The following TRMT1 variants were observed in gnomAD, a reference collection of about 807,000 sequenced individuals.
The protein encoded by TRMT1 is tRNA (guanine(26)-N(2))-dimethyltransferase.
TRMT1 carries 63 observed loss-of-function variants against 75.4 expected under a neutral mutation model. The observed-to-expected ratio is 0.84, with a 90% CI of 0.68 to 1.03. The LOEUF (loss-of-function observed/expected upper bound fraction) is 1.03, where lower values mean the gene tolerates loss of function less well. TRMT1 is among the 50% of genes least tolerant of loss of function. TRMT1 has a pLI of 0.00. For missense variants in TRMT1, 870 were observed against 905.3 expected, an observed-to-expected ratio of 0.96 and a Z score of 0.50; for synonymous variants, 382 against 358.1, an observed-to-expected ratio of 1.07 and a Z score of -0.75.
At chr19:13,107,909 A>G (rs552053779) in intron 12 of TRMT1, 50 bp from the exon 13 acceptor site, 1 of 1,495,500 alleles carries the variant, frequency 6.7e-7, no homozygotes, top group South Asian at 1.2e-5. Flanking sequence ...CTTGACCCCA[A>G]AGCCCAAGCT....
chr19:13,109,289 C>A, intron 12 of TRMT1, 92 bp downstream of exon 12: 3 of 1,443,362 alleles, frequency 2.1e-6, no homozygotes, highest in African/African-American at 2.8e-5. Context: ...TCTCCCCACC[C>A]CCTCGCAAGT....
Position 13,107,554 on chromosome 19 carries a change from C to T in TRMT1, c.1583+20G>A, listed in dbSNP as rs948393228. 6.3e-7 allele frequency: 1 copy of T among 1,589,896 alleles called. No homozygotes were observed. The highest frequency in any genetic ancestry group is 8.6e-7 in the Non-Finnish European group (1 of 1,166,178). On this transcript the variant is annotated intron_variant, in intron 14 of 16. Coordinates refer to ENST00000357720, the MANE Select transcript of TRMT1 (RefSeq NM_001136035.4). Reference sequence around the variant, plus strand: ...TGTCTGTGGGCAGCCCTGGCCGCTCCTGCATGTGCTTGCCCCTACCTGGGC... The same window carrying T: ...TGTCTGTGGGCAGCCCTGGCCGCTCTTGCATGTGCTTGCCCCTACCTGGGC...
In TRMT1 at chr19:13,116,277, G is replaced by C. The variant is rs776058940; in HGVS notation, c.123C>G (p.Thr41=). 1.9e-6 allele frequency: 3 copies of C among 1,614,140 alleles called. No homozygotes were observed. The highest frequency in any genetic ancestry group is 2.5e-6 in the Non-Finnish European group (3 of 1,180,034). ...GTGGACGTTCTTCTCCGTAGGGCCC[G>C]GTGCCGTTCTCCATCGCTGCTGTAT... The part of the protein sequence containing the change: ...LPNTAAMENG[T]GPYGEERPRE... The change falls in exon 2 of 17, where the codon ACC becomes ACG. Residue 41 remains threonine (T), a synonymous_variant. Transcript: ENST00000357720.
chr19:13,108,256 T>A (rs1241306144), intron 12 of TRMT1, among the ~76,000 whole-genome samples: 1 of 151,268 alleles, frequency 6.6e-6, no homozygotes, highest in African/African-American at 2.4e-5. Context: ...CCCAAAGTGC[T>A]GGGATTACAG....
In TRMT1 at chr19:13,116,364, G is replaced by A. The variant is rs770250912; in HGVS notation, c.36C>T (p.Phe12=). The A allele has an allele frequency of 5.6e-6, 9 of 1,611,572 alleles. No individual in the cohort carries two copies. Among genetic ancestry groups the A allele is most frequent in the Non-Finnish European group, 7.6e-6 (9 of 1,179,422 alleles). ...CTCTAGAGAGCACCCGGGCGGAGCG[G>A]AAAGTGAGGCTTAGCCACAGAGACG... ...QGSSLWLSLT[F]RSARVLSRAR... Residue 12 remains phenylalanine, a synonymous_variant, in exon 2 of 17, where the codon TTC becomes TTT. Transcript: ENST00000357720.
rs147243880 is a variant in TRMT1 at position 13,109,633 on chromosome 19, G to A, written c.1228C>T (p.Arg410Cys). 37 of 1,613,900 alleles carry A rather than the reference G, an allele frequency of 2.3e-5. No individual in the cohort carries two copies. The African/African-American group carries it at 3.5e-4, about 15-fold the overall frequency. Residue 410 changes from arginine (R) to cysteine (C), a missense_variant, in exon 11 of 17, where the codon CGT (arginine) becomes TGT (cysteine). Physicochemically the swap from Arg to Cys is radical, Grantham distance 180 (BLOSUM62 -3). Transcript: ENST00000357720. The stretch of plus-strand genomic sequence containing the variant: ...TTAGCGCTCACAGCCTCCAGGACAC[G>A]GCCCACAAAATCCAGGTCATGGATG... Reference protein sequence around the residue: ...EPIHDLDFVGRVLEAVSANPG... With the variant: ...EPIHDLDFVGCVLEAVSANPG...
chr19:13,113,678 C>T (rs61625344), intron 5 of TRMT1, among the ~76,000 whole-genome samples: 8 of 151,906 alleles, frequency 5.3e-5, no homozygotes, highest in East Asian at 3.8e-4. Context: ...GGTGGGTTCT[C>T]GGCGCACTGC....
intron 5 of TRMT1, among the ~76,000 whole-genome samples, chr19:13,114,279 T>C (rs1027400030): frequency 5.9e-5 from 9 of 152,090 alleles, no homozygotes; most frequent in Admixed American, 4.6e-4. Context: ...CCCAGCACTT[T>C]GGAAGGCCGA....
At chr19:13,106,531 G>A (rs1428239952) in intron 14 of TRMT1, among the ~76,000 whole-genome samples, 1 of 152,144 alleles carries the variant, frequency 6.6e-6, no homozygotes, top group South Asian at 2.1e-4. Flanking sequence ...AGGCTGGAGT[G>A]CAGTGGTGCG....
intron 7 of TRMT1, among the ~76,000 whole-genome samples, chr19:13,111,031 G>A (rs1025602518): frequency 3.9e-5 from 6 of 152,176 alleles, no homozygotes; most frequent in African/African-American, 1.4e-4. Flanking sequence ...AGCATTTCCC[G>A]GGCTGACTTC....
intron 5 of TRMT1, among the ~76,000 whole-genome samples, chr19:13,113,914 T>C (rs1022825486): frequency 6.6e-6 from 1 of 151,946 alleles, no homozygotes; most frequent in Non-Finnish European, 1.5e-5. Context: ...CTGACCTCAT[T>C]TTAAAATTTT....
intron 14 of TRMT1, among the ~76,000 whole-genome samples, chr19:13,106,698 G>A (rs1370913697): frequency 1.3e-5 from 2 of 151,138 alleles, no homozygotes; most frequent in Non-Finnish European, 2.9e-5. Context: ...TGTTGGCCAG[G>A]CTGGTCTTGA....
rs772113572 is a variant in TRMT1 at position 13,112,787 on chromosome 19, G to A, written c.788C>T (p.Ala263Val). The change falls in exon 7 of 17, where the codon GCG becomes GTG. Residue 263 changes from alanine to valine, a missense_variant. By Grantham distance (64) the Ala-to-Val change is moderately conservative. Coordinates refer to ENST00000357720, the MANE Select transcript of TRMT1 (RefSeq NM_001136035.4). ...CTCCCCGCTGTTCCCCGCCAACACC[G>A]CCATGTCTGTGCAGGTCACACACAG... ...GLLCVTCTDM[A>V]VLAGNSGETC... is the part of the protein sequence containing the mutation. 15 of 1,613,876 alleles carry A rather than the reference G, an allele frequency of 9.3e-6. No individual in the cohort carries two copies. Among genetic ancestry groups the A allele is most frequent in the South Asian group, 8.8e-5 (8 of 91,072 alleles).
At chr19:13,110,069 G>A in intron 8 of TRMT1, 68 bp from the exon 9 acceptor site, 1 of 1,610,508 alleles carries the variant, frequency 6.2e-7, no homozygotes, top group South Asian at 1.1e-5. Flanking sequence ...CCCTTAGACT[G>A]GCTCTGTCCC....
At chr19:13,115,531 G>C in intron 4 of TRMT1, 65 bp from the exon 5 acceptor site, 1 of 1,597,678 alleles carries the variant, frequency 6.3e-7, no homozygotes, top group Non-Finnish European at 8.5e-7. Context: ...GCCCCAAGGA[G>C]CCCCCACCAC....
chr19:13,116,443 G>T lies in TRMT1; in HGVS notation c.-32-12C>A. The T allele has an allele frequency of 6.4e-7, 1 of 1,574,534 alleles. No individual in the cohort carries two copies. The highest frequency in any genetic ancestry group is 8.6e-7 in the Non-Finnish European group (1 of 1,163,704). ...TCCGCCCGCCAAGCCTGGTTCGGGGGGCGGGGGAGGGCACAGAGAGGGTCA... is the reference window on the plus strand; with the variant it reads ...TCCGCCCGCCAAGCCTGGTTCGGGGTGCGGGGGAGGGCACAGAGAGGGTCA... On this transcript the variant is annotated splice_polypyrimidine_tract_variant and intron_variant, in intron 1 of 16. Coordinates refer to ENST00000357720, the MANE Select transcript of TRMT1 (RefSeq NM_001136035.4).
At position 13,105,248 on chromosome 19, in the gene TRMT1, AAGGGAGG is replaced by A; in HGVS notation, c.1833+12_1833+18del. The A allele has an allele frequency of 6.2e-7, 1 of 1,608,144 alleles. No individual in the cohort carries two copies. The highest frequency in any genetic ancestry group is 8.5e-7 in the Non-Finnish European group (1 of 1,176,550). On this transcript the variant is annotated intron_variant, in intron 16 of 16. Coordinates refer to ENST00000357720, the MANE Select transcript of TRMT1 (RefSeq NM_001136035.4). ...GACTCATGTGTCCTGCAGTGGAGGA[AAGGGAGG>A]AGGGACCTCACCTCCTTAAACCTCT...
At chr19:13,110,641 G>C (rs1373670279) in intron 7 of TRMT1, among the ~76,000 whole-genome samples, 1 of 152,244 alleles carries the variant, frequency 6.6e-6, no homozygotes, top group Non-Finnish European at 1.5e-5. Context: ...GGGCTCTGTG[G>C]GCAGGAAGTG....
In TRMT1 at chr19:13,116,131, C is replaced by T; in HGVS notation, c.254+15G>A. On this transcript the variant is annotated intron_variant, in intron 2 of 16. Coordinates refer to ENST00000357720, the MANE Select transcript of TRMT1 (RefSeq NM_001136035.4). ...CCACTAGCCGATGCCAGGCTAACGTCTGACCCCTGCTCACGTCAGGTCCCG... is the reference window on the plus strand; with the variant it reads ...CCACTAGCCGATGCCAGGCTAACGTTTGACCCCTGCTCACGTCAGGTCCCG... 6.2e-7 allele frequency: 1 copy of T among 1,614,136 alleles called. No individual in the cohort carries two copies. The highest frequency in any genetic ancestry group is 1.1e-5 in the South Asian group (1 of 91,084).
Sources: gnomAD v4.1 joint callset for allele counts (sites outside exome capture counted in the v4.1 genomes callset) on GRCh38, gnomAD v4.1.1 for gene constraint, MANE v1.5 for transcripts, NCBI Gene and HGNC (gene_info 2026-07-23, HGNC 2026-07-21) for gene names.